NELL1: variants seen among roughly 807,000 people sequenced by gnomAD.
NELL1 encodes the protein protein kinase C-binding protein NELL1.
In NELL1, 76 loss-of-function variants were observed where a neutral mutation model predicts 107.4. The observed-to-expected ratio is 0.71, with a 90% CI of 0.59 to 0.86. The LOEUF is 0.86. Ranked by LOEUF, NELL1 falls within the 40% of genes least tolerant of loss-of-function variation. The probability of loss-of-function intolerance (pLI) is 0.00; values close to 1 mark genes in which losing one functional copy is unlikely to be tolerated. For missense variants in NELL1, 1,024 were observed against 1,005.5 expected (o/e 1.02, Z -0.25); for synonymous variants, 353 against 341.2 (o/e 1.03, Z -0.38).
intron 12 of NELL1, among the ~76,000 whole-genome samples, chr11:21,014,442 A>T (rs964330461): frequency 5.9e-5 from 9 of 152,108 alleles, no homozygotes; most frequent in African/African-American, 2.2e-4. Flanking sequence ...TGAATGTACC[A>T]CTTTCTCAGC....
chr11:20,846,685 T>TA (rs5790144), intron 3 of NELL1, among the ~76,000 whole-genome samples: 50,874 of 151,964 alleles, frequency 0.33, 9,876 homozygotes, highest in African/African-American at 0.53. Flanking sequence ...TTAAGTTTTT[T>TA]AAAAAAGATA....
At chr11:20,942,198 A>G (rs1205955186) in intron 10 of NELL1, among the ~76,000 whole-genome samples, 4 of 152,220 alleles carry the variant, frequency 2.6e-5, no homozygotes, top group African/African-American at 4.8e-5. Context: ...GACATTCCCT[A>G]TATTCTGTCT....
intron 12 of NELL1, among the ~76,000 whole-genome samples, chr11:20,982,479 A>T (rs181798224): frequency 6.6e-6 from 1 of 152,322 alleles, no homozygotes; most frequent in East Asian, 1.9e-4. Flanking sequence ...ATTTGCTGCT[A>T]TCTGGCTATG....
chr11:20,836,170 AG>A (rs1467274440), intron 3 of NELL1, among the ~76,000 whole-genome samples: 1 of 152,008 alleles, frequency 6.6e-6, no homozygotes, highest in African/African-American at 2.4e-5. Context: ...ATATGTGAAT[AG>A]GAAATAAGCA....
At chr11:21,336,230 T>C (rs1850391907) in intron 14 of NELL1, among the ~76,000 whole-genome samples, 2 of 152,022 alleles carry the variant, frequency 1.3e-5, no homozygotes, top group African/African-American at 4.8e-5. Context: ...TGCATCTATG[T>C]AGAACTTACA....
intron 4 of NELL1, among the ~76,000 whole-genome samples, chr11:20,880,112 T>G (rs1849380606): frequency 6.6e-6 from 1 of 152,248 alleles, no homozygotes; most frequent in South Asian, 2.1e-4. Context: ...ATTGTCGAAA[T>G]GTATGGCAAA....
At chr11:21,080,432 G>A (rs958467272) in intron 12 of NELL1, among the ~76,000 whole-genome samples, 1 of 151,988 alleles carries the variant, frequency 6.6e-6, no homozygotes, top group Non-Finnish European at 1.5e-5. Context: ...TTATAAACTA[G>A]AGGCATATTA....
chr11:21,523,011 A>AT lies in NELL1; in HGVS notation c.1646-11356dup, dbSNP rs538829808. Among the ~76,000 whole-genome samples, 1,034 of 150,592 alleles carry AT rather than the reference A, an allele frequency of 6.9e-3. 3 individuals carry two copies. Among genetic ancestry groups the AT allele is most frequent in the South Asian group, 0.011 (53 of 4,734 alleles). On this transcript the variant is annotated intron_variant, in intron 15 of 19. Coordinates refer to ENST00000357134, the MANE Select transcript of NELL1 (RefSeq NM_006157.5). ...AGGCGCCCACCACCACGCCCGGCTG[A>AT]TTTTTTTGTATATTTTTAGTAGAAA...
At chr11:21,193,827 T>A (rs898983843) in intron 13 of NELL1, among the ~76,000 whole-genome samples, 26 of 151,870 alleles carry the variant, frequency 1.7e-4, no homozygotes, top group Non-Finnish European at 1.3e-4. Context: ...AGTATCTGAT[T>A]TTTAGATTCC....
Position 20,929,911 on chromosome 11 carries a change from G to A in NELL1, c.997+1432G>A, listed in dbSNP as rs572329829. Among the ~76,000 whole-genome samples the A allele has an allele frequency of 9.9e-5, 15 of 151,108 alleles. No homozygotes were observed. The South Asian group carries it at 3.1e-3, about 32-fold the overall frequency. On this transcript the variant is annotated intron_variant, in intron 9 of 19. Transcript: ENST00000357134. ...TGCTTGAACCCGGGAGGCAGAGGTTGCAGTGAGCTGAGATCGCGCCACTGC... is the reference window on the plus strand; with the variant it reads ...TGCTTGAACCCGGGAGGCAGAGGTTACAGTGAGCTGAGATCGCGCCACTGC...
At chr11:21,571,768 G>C (rs1857106001) in intron 18 of NELL1, among the ~76,000 whole-genome samples, 1 of 151,824 alleles carries the variant, frequency 6.6e-6, no homozygotes. Context: ...TTCTAGCAGT[G>C]GGAAGACTTC....
chr11:21,285,893 A>T (rs1849105227), intron 14 of NELL1, among the ~76,000 whole-genome samples: 1 of 152,252 alleles, frequency 6.6e-6, no homozygotes, highest in Non-Finnish European at 1.5e-5. Context: ...AGACAAACTA[A>T]AATAACTTTA....
intron 13 of NELL1, among the ~76,000 whole-genome samples, chr11:21,176,597 A>G (rs1214080210): frequency 6.6e-6 from 1 of 151,844 alleles, no homozygotes; most frequent in Non-Finnish European, 1.5e-5. Flanking sequence ...ATTTGATTCC[A>G]TTGAAATTAT....
chr11:20,999,484 TCCTA>T (rs1209575334), intron 12 of NELL1, among the ~76,000 whole-genome samples: 1 of 152,040 alleles, frequency 6.6e-6, no homozygotes, highest in Non-Finnish European at 1.5e-5. Flanking sequence ...GCAGAAAGAG[TCCTA>T]CCTAAGAGAC....
intron 15 of NELL1, among the ~76,000 whole-genome samples, chr11:21,404,137 G>A (rs1466776684): frequency 6.6e-6 from 1 of 151,252 alleles, no homozygotes; most frequent in Non-Finnish European, 1.5e-5. Flanking sequence ...TGTGTCTCAG[G>A]CCTGCACTTT....
At chr11:21,184,186 C>T (rs1020815123) in intron 13 of NELL1, among the ~76,000 whole-genome samples, 1 of 151,808 alleles carries the variant, frequency 6.6e-6, no homozygotes, top group Non-Finnish European at 1.5e-5. Context: ...TAATCAATAT[C>T]CCACATTCCC....
At chr11:21,282,296 A>T (rs950174776) in intron 14 of NELL1, among the ~76,000 whole-genome samples, 1 of 152,090 alleles carries the variant, frequency 6.6e-6, no homozygotes, top group Non-Finnish European at 1.5e-5. Flanking sequence ...CTACAATAAG[A>T]TATAATCTCA....
chr11:21,286,081 A>T (rs564700490), intron 14 of NELL1, among the ~76,000 whole-genome samples: 1 of 152,304 alleles, frequency 6.6e-6, no homozygotes, highest in South Asian at 2.1e-4. Context: ...TGCCTGGTTA[A>T]TAGGTCACAA....
intron 3 of NELL1, among the ~76,000 whole-genome samples, chr11:20,791,244 T>G (rs1857067502): frequency 6.6e-6 from 1 of 152,158 alleles, no homozygotes; most frequent in Non-Finnish European, 1.5e-5. Flanking sequence ...CAGGTCGTCT[T>G]TCATTTCTTT....
Sources: gnomAD v4.1 joint callset for allele counts (sites outside exome capture counted in the v4.1 genomes callset) on GRCh38, gnomAD v4.1.1 for gene constraint, MANE v1.5 for transcripts, NCBI Gene and HGNC (gene_info 2026-07-23, HGNC 2026-07-21) for gene names.